The following HDAC4 variants were observed in gnomAD, a reference collection of about 807,000 sequenced individuals.
HDAC4 encodes the protein histone deacetylase A.
A neutral mutation model predicts 135.1 loss-of-function variants in HDAC4; 16 were observed. That is an observed-to-expected ratio of 0.12 (90% CI 0.08 to 0.18). The LOEUF is 0.18. Among genes scored for constraint, HDAC4 ranks in the 10% least tolerant of loss-of-function variants. HDAC4 has a pLI of 1.00. For missense variants in HDAC4, 1,143 were observed against 1,511.8 expected, an observed-to-expected ratio of 0.76 and a Z score of 4.05; for synonymous variants, 685 against 653.4, an observed-to-expected ratio of 1.05 and a Z score of -0.74.
intron 2 of HDAC4, among the ~76,000 whole-genome samples, chr2:239,263,976 T>G (rs2049547354): frequency 6.6e-6 from 1 of 151,966 alleles, no homozygotes. Context: ...TGGGCACCTC[T>G]GAGAGCCAGT....
chr2:239,199,287 C>A (rs1302259061), intron 3 of HDAC4, among the ~76,000 whole-genome samples: 1 of 151,934 alleles, frequency 6.6e-6, no homozygotes, highest in Admixed American at 6.6e-5. Context: ...CTAAGGCGAA[C>A]CCCTGCTCTC....
chr2:239,225,560 C>T (rs1349970845), intron 3 of HDAC4, among the ~76,000 whole-genome samples: 1 of 152,206 alleles, frequency 6.6e-6, no homozygotes, highest in African/African-American at 2.4e-5. Flanking sequence ...TGGAGCCTGG[C>T]TGGGCTCAAG....
intron 15 of HDAC4, among the ~76,000 whole-genome samples, chr2:239,103,739 T>C (rs1360652618): frequency 3.9e-5 from 6 of 152,368 alleles, no homozygotes; most frequent in African/African-American, 9.6e-5. Flanking sequence ...CCACCCTGTA[T>C]GTGAGACCTG....
At chr2:239,187,535 T>C (rs916466524) in intron 4 of HDAC4, among the ~76,000 whole-genome samples, 2 of 152,218 alleles carry the variant, frequency 1.3e-5, no homozygotes, top group Non-Finnish European at 2.9e-5. Flanking sequence ...GGCATGCACC[T>C]GTTTCCTGCA....
intron 22 of HDAC4, among the ~76,000 whole-genome samples, chr2:239,080,082 AC>A (rs1441999346): frequency 6.6e-6 from 1 of 151,456 alleles, no homozygotes; most frequent in African/African-American, 2.4e-5. Flanking sequence ...ATGAACGAAC[AC>A]CCACCCACAC....
chr2:239,357,888 CAAAAA>C (rs71043188), intron 1 of HDAC4, among the ~76,000 whole-genome samples: 12 of 55,612 alleles, frequency 2.2e-4, no homozygotes, highest in African/African-American at 7.8e-4. Flanking sequence ...GCCTCTGTTC[CAAAAA>C]AAAAAAAAAA....
chr2:239,301,467 C>T (rs374816649), intron 2 of HDAC4, among the ~76,000 whole-genome samples: 3 of 130,268 alleles, frequency 2.3e-5, no homozygotes, highest in African/African-American at 5.4e-5. Flanking sequence ...CTGGTGCTTT[C>T]TTTCTTTTTT....
At chr2:239,298,102 G>T in intron 2 of HDAC4, 3 of 835,974 alleles carry the variant, frequency 3.6e-6, no homozygotes, top group Non-Finnish European at 1.7e-6. Context: ...ATATTTCACA[G>T]GATAAAAAAA....
At position 239,176,579 on chromosome 2, in the gene HDAC4, G is replaced by T; in HGVS notation, c.340-16C>A. ...CCTGTTGTTGCTGCAAGTGGAAGGA[G>T]GAGACAGACGGTCAGAGCCCAGGCT... On this transcript the variant is annotated splice_polypyrimidine_tract_variant and intron_variant, in intron 4 of 26. Transcript: ENST00000543185. 6.2e-7 allele frequency: 1 copy of T among 1,610,930 alleles called. No homozygotes were observed.
intron 12 of HDAC4, among the ~76,000 whole-genome samples, chr2:239,124,428 G>A (rs920530937): frequency 1.6e-4 from 24 of 152,236 alleles, no homozygotes; most frequent in African/African-American, 5.3e-4. Context: ...CTGGCATCCT[G>A]CTTCCAAGGC....
intron 11 of HDAC4, among the ~76,000 whole-genome samples, chr2:239,129,665 C>T (rs983710479): frequency 2.6e-5 from 4 of 152,192 alleles, no homozygotes; most frequent in Non-Finnish European, 5.9e-5. Flanking sequence ...CTATGGCTGC[C>T]GGCTCCTGCT....
chr2:239,174,181 G>C (rs1400560994), intron 5 of HDAC4, among the ~76,000 whole-genome samples: 1 of 152,178 alleles, frequency 6.6e-6, no homozygotes, highest in Non-Finnish European at 1.5e-5. Context: ...GACTGAAACT[G>C]TATTAGAAGG....
At chr2:239,213,595 C>A (rs550540051) in intron 3 of HDAC4, among the ~76,000 whole-genome samples, 1 of 152,226 alleles carries the variant, frequency 6.6e-6, no homozygotes, top group Non-Finnish European at 1.5e-5. Context: ...TTTTCCAGCT[C>A]GGAGAGTGGC....
rs748478009 is a variant in HDAC4 at position 239,139,035 on chromosome 2, A to T, written c.978+649T>A. On this transcript the variant is annotated intron_variant, in intron 9 of 26. Coordinates refer to ENST00000543185, the MANE Select transcript of HDAC4 (RefSeq NM_001378414.1). This position sits in a 1 kb window ranked among gnomAD's most constrained non-coding sequence, Gnocchi z 5.3. The stretch of plus-strand genomic sequence containing the variant: ...TCTAGCTTGCCAATGTCCCTCCCAG[A>T]CTGTGGCACCACTTGGGGTCTGATG... 1.3e-5 allele frequency among the ~76,000 whole-genome samples: 2 copies of T among 151,990 alleles called. No homozygotes were observed. The highest frequency in any genetic ancestry group is 4.8e-5 in the African/African-American group (2 of 41,374).
chr2:239,136,864 C>T lies in HDAC4; in HGVS notation c.979-2221G>A, dbSNP rs565349616. ...GCCTTCTCACTTAGGAGCAAACTCA[C>T]GGCGCACCTCGCCCCAGAGGAAACC... On this transcript the variant is annotated intron_variant, in intron 9 of 26. Coordinates refer to ENST00000543185, the MANE Select transcript of HDAC4 (RefSeq NM_001378414.1). 4.6e-5 allele frequency among the ~76,000 whole-genome samples: 7 copies of T among 152,332 alleles called. No individual in the cohort carries two copies. The South Asian group carries it at 1.0e-3, about 23-fold the overall frequency.
At chr2:239,136,677 C>CA (rs1354747267) in intron 9 of HDAC4, among the ~76,000 whole-genome samples, 5 of 152,212 alleles carry the variant, frequency 3.3e-5, no homozygotes, top group African/African-American at 1.2e-4. Context: ...GCGGGAACTC[C>CA]AGCAACTCAC....
chr2:239,378,690 A>C lies in HDAC4; in HGVS notation c.-220+22288T>G, dbSNP rs115635399. ...AACCAATGACCCCGGGAACCAATGA[A>C]CCCGGGAACCAATAACCCCGGGAAC... is the stretch of plus-strand genomic sequence containing the variant. On this transcript the variant is annotated intron_variant, in intron 1 of 26. Coordinates refer to ENST00000543185, the MANE Select transcript of HDAC4 (RefSeq NM_001378414.1). 1.5e-3 allele frequency among the ~76,000 whole-genome samples: 190 copies of C among 125,198 alleles called. 2 individuals carry two copies. The highest frequency in any genetic ancestry group is 1.5e-3 in the Non-Finnish European group (78 of 51,718). 82.1% of individuals were successfully genotyped at this position (125,198 alleles called of 152,430 possible).
At chr2:239,075,589 G>T (rs988628303) in intron 22 of HDAC4, among the ~76,000 whole-genome samples, 1 of 152,226 alleles carries the variant, frequency 6.6e-6, no homozygotes, top group African/African-American at 2.4e-5. Flanking sequence ...AGAGGGAAAC[G>T]TGGTGCTAAG....
At chr2:239,345,788 C>T (rs1348843627) in intron 2 of HDAC4, among the ~76,000 whole-genome samples, 7 of 141,734 alleles carry the variant, frequency 4.9e-5, no homozygotes, top group African/African-American at 1.9e-4. Flanking sequence ...CTCAAACACA[C>T]ATACACACCC....
Sources: allele counts gnomAD v4.1 joint callset (sites outside exome capture counted in the v4.1 genomes callset), GRCh38; gene constraint gnomAD v4.1.1; non-coding constraint Gnocchi (gnomAD v3.1); transcripts MANE v1.5; gene names NCBI Gene and HGNC (gene_info 2026-07-23, HGNC 2026-07-21).